Variants in DCDC1 observed in about 807,000 individuals in gnomAD.
DCDC1 encodes the protein doublecortin domain containing 1.
In DCDC1, 200 loss-of-function variants were observed where a neutral mutation model predicts 178.3. That is an observed-to-expected ratio of 1.12 (90% CI 1.00 to 1.26). The LOEUF (loss-of-function observed/expected upper bound fraction) is 1.26. Ranked by LOEUF, DCDC1 falls within the 50% of genes most tolerant of loss-of-function variation. The probability of loss-of-function intolerance (pLI) is 0.00; values close to 1 mark genes in which losing one functional copy is unlikely to be tolerated. For synonymous variants in DCDC1, 690 were observed against 604.8 expected, an observed-to-expected ratio of 1.14 and a Z score of -2.07; for missense variants, 1,983 against 1,749.2, an observed-to-expected ratio of 1.13 and a Z score of -2.38.
intron 20 of DCDC1, among the ~76,000 whole-genome samples, chr11:31,035,804 T>G (rs1016139320): frequency 6.6e-6 from 1 of 152,284 alleles, no homozygotes; most frequent in Non-Finnish European, 1.5e-5. Flanking sequence ...GTTCCGATGT[T>G]GATTTTTCTA....
chr11:30,899,691 C>A, intron 33 of DCDC1, 49 bp from the exon 34 acceptor site: 4 of 1,262,616 alleles, frequency 3.2e-6, no homozygotes, highest in South Asian at 3.8e-5. Flanking sequence ...ATTTATCACG[C>A]GCACCAATAA....
chr11:30,905,156 C>A lies in DCDC1; in HGVS notation c.4113G>T (p.Leu1371Phe), dbSNP rs748955805. ...FKVISVAEVD[L>F]SCDKAEKTLS... The stretch of plus-strand genomic sequence containing the variant: ...GAGTTTTTTCAGCCTTGTCACACGA[C>A]AAATCAACCTAATTTTTTAAAAAAT... Residue 1371 changes from leucine to phenylalanine, a missense_variant, in exon 31 of 39, where the codon TTG becomes TTT. Leu to Phe is a conservative substitution (Grantham distance 22). Transcript: ENST00000684477. 5 of 1,590,614 alleles carry A rather than the reference C, an allele frequency of 3.1e-6. No individual in the cohort carries two copies. The highest frequency in any genetic ancestry group is 4.3e-6 in the Non-Finnish European group (5 of 1,166,596).
chr11:31,007,884 A>C (rs1951946255), intron 20 of DCDC1, among the ~76,000 whole-genome samples: 1 of 152,048 alleles, frequency 6.6e-6, no homozygotes, highest in African/African-American at 2.4e-5. Flanking sequence ...GCTGGTCTTG[A>C]ACCCCTGACC....
intron 8 of DCDC1, among the ~76,000 whole-genome samples, chr11:31,255,081 G>A (rs1450469541): frequency 6.6e-6 from 1 of 152,106 alleles, no homozygotes; most frequent in Non-Finnish European, 1.5e-5. Flanking sequence ...TGAGCATAAT[G>A]TGTTCAAGAT....
chr11:31,298,518 A>G (rs1947866428), intron 6 of DCDC1, among the ~76,000 whole-genome samples: 1 of 152,176 alleles, frequency 6.6e-6, no homozygotes, highest in Non-Finnish European at 1.5e-5. Context: ...AGGGACTGCC[A>G]TGTCCGCCTG....
chr11:31,139,097 T>C (rs1038761382), intron 9 of DCDC1, among the ~76,000 whole-genome samples: 2 of 152,088 alleles, frequency 1.3e-5, no homozygotes, highest in Admixed American at 6.5e-5. Context: ...AAATAGACAC[T>C]AAATATATAT....
chr11:30,919,753 A>G (rs1946116024), intron 25 of DCDC1, among the ~76,000 whole-genome samples: 1 of 152,164 alleles, frequency 6.6e-6, no homozygotes, highest in African/African-American at 2.4e-5. Context: ...TGAGGATAGA[A>G]ACAATTAATA....
intron 20 of DCDC1, among the ~76,000 whole-genome samples, chr11:31,028,962 A>G (rs1302161377): frequency 6.6e-6 from 1 of 152,070 alleles, no homozygotes; most frequent in East Asian, 1.9e-4. Context: ...GCTAAGTATG[A>G]CCTGCCTCCA....
intron 20 of DCDC1, among the ~76,000 whole-genome samples, chr11:31,032,749 G>A (rs1300240825): frequency 6.6e-6 from 1 of 152,200 alleles, no homozygotes; most frequent in East Asian, 1.9e-4. Context: ...TTGGTTTGAA[G>A]TTGTGGGGAC....
intron 16 of DCDC1, among the ~76,000 whole-genome samples, chr11:31,093,365 G>A (rs1957932260): frequency 6.6e-6 from 1 of 152,168 alleles, no homozygotes; most frequent in Non-Finnish European, 1.5e-5. Context: ...TCACAGGAGT[G>A]CTAAGTAGTA....
rs528391692 is a variant in DCDC1 at position 31,041,003 on chromosome 11, T to A, written c.2591+23466A>T. Among the ~76,000 whole-genome samples, 16 of 152,342 alleles carry A rather than the reference T, an allele frequency of 1.1e-4. No individual in the cohort carries two copies. The South Asian group carries it at 2.9e-3, about 28-fold the overall frequency. ...ATAGCATGCTCATCCAGAAGCATTATCACATGTTAGTACTACATTTAAAGT... is the reference window on the plus strand; with the variant it reads ...ATAGCATGCTCATCCAGAAGCATTAACACATGTTAGTACTACATTTAAAGT... On this transcript the variant is annotated intron_variant, in intron 20 of 38. Transcript: ENST00000684477.
chr11:30,978,759 C>T (rs1443257086), intron 20 of DCDC1, among the ~76,000 whole-genome samples: 3 of 150,226 alleles, frequency 2.0e-5, no homozygotes, highest in Non-Finnish European at 4.4e-5. Context: ...CAAATTTCTT[C>T]ATCCTCCCAG....
At chr11:31,128,555 T>G (rs1234252226) in intron 10 of DCDC1, among the ~76,000 whole-genome samples, 1 of 152,132 alleles carries the variant, frequency 6.6e-6, no homozygotes, top group Non-Finnish European at 1.5e-5. Context: ...AAAACAGAAA[T>G]CTACCTCATC....
intron 20 of DCDC1, among the ~76,000 whole-genome samples, chr11:30,991,821 C>G (rs1316391336): frequency 6.6e-6 from 1 of 152,082 alleles, no homozygotes; most frequent in Non-Finnish European, 1.5e-5. Flanking sequence ...CAGATAAACA[C>G]TGGGAACATA....
At chr11:31,118,115 G>T (rs1487039190) in intron 11 of DCDC1, among the ~76,000 whole-genome samples, 1 of 151,970 alleles carries the variant, frequency 6.6e-6, no homozygotes, top group Admixed American at 6.6e-5. Flanking sequence ...ATTTTACTAG[G>T]AGAAATGAAC....
At chr11:30,954,292 G>A (rs1248681019) in intron 20 of DCDC1, among the ~76,000 whole-genome samples, 1 of 151,976 alleles carries the variant, frequency 6.6e-6, no homozygotes, top group African/African-American at 2.4e-5. Context: ...TGGGATTACA[G>A]GTGTGAGCCA....
At chr11:31,183,357 C>T (rs1181011029) in intron 9 of DCDC1, among the ~76,000 whole-genome samples, 3 of 152,190 alleles carry the variant, frequency 2.0e-5, no homozygotes, top group African/African-American at 7.2e-5. Context: ...GTAAAACACT[C>T]CTCAGCAAAT....
chr11:30,949,356 C>T (rs914570506), intron 21 of DCDC1, among the ~76,000 whole-genome samples: 1 of 152,172 alleles, frequency 6.6e-6, no homozygotes, highest in African/African-American at 2.4e-5. Flanking sequence ...CAGGAAACAA[C>T]AGATGCTGGA....
intron 34 of DCDC1, among the ~76,000 whole-genome samples, chr11:30,897,653 T>G (rs567745383): frequency 3.3e-4 from 49 of 150,646 alleles, no homozygotes; most frequent in African/African-American, 1.2e-3. Flanking sequence ...AAAATCAGAA[T>G]TTAATAAAGG....
Sources: gnomAD v4.1 joint callset for allele counts (sites outside exome capture counted in the v4.1 genomes callset) on GRCh38, gnomAD v4.1.1 for gene constraint, MANE v1.5 for transcripts, NCBI Gene and HGNC (gene_info 2026-07-23, HGNC 2026-07-21) for gene names.